The following MKLN1 variants were observed in gnomAD, a reference collection of about 807,000 sequenced individuals.
MKLN1 encodes the protein muskelin 1, also known as muskelin.
MKLN1 carries 18 observed loss-of-function variants against 99.0 expected under a neutral mutation model. The ratio of observed to expected loss-of-function variants is 0.18; its 90% CI spans 0.13 to 0.27. MKLN1 has a LOEUF of 0.27. MKLN1 is among the 10% of genes least tolerant of loss of function. The pLI, the probability that MKLN1 is intolerant of heterozygous loss-of-function variation, is 1.00. For synonymous variants in MKLN1, 288 were observed against 293.2 expected (o/e 0.98, Z 0.18); for missense variants, 621 against 875.9 (o/e 0.71, Z 3.67).
intron 1 of MKLN1, among the ~76,000 whole-genome samples, chr7:131,114,148 C>T (rs1795239342): frequency 6.6e-6 from 1 of 152,164 alleles, no homozygotes; most frequent in African/African-American, 2.4e-5. Context: ...GGACATAGAA[C>T]CAACAGAATT....
At chr7:131,238,472 A>G (rs1435134694) in intron 3 of MKLN1, among the ~76,000 whole-genome samples, 1 of 152,218 alleles carries the variant, frequency 6.6e-6, no homozygotes, top group Non-Finnish European at 1.5e-5. Flanking sequence ...TCAGAAGTCC[A>G]TTGGAGGTCA....
Position 131,437,781 on chromosome 7 carries a change from A to C in MKLN1, c.961-4A>C, listed in dbSNP as rs780882433. ...ATTTATTTATTTTCTCTCTCTCTCTACAGAATGGTCCTAGTGCCAGATCGT... is the reference window on the plus strand; with the variant it reads ...ATTTATTTATTTTCTCTCTCTCTCTCCAGAATGGTCCTAGTGCCAGATCGT... On this transcript the variant is annotated splice_polypyrimidine_tract_variant and splice_region_variant and intron_variant, in intron 9 of 17. Coordinates refer to ENST00000352689, the MANE Select transcript of MKLN1 (RefSeq NM_013255.5). 4.4e-6 allele frequency: 7 copies of C among 1,603,530 alleles called. No individual in the cohort carries two copies. The highest frequency in any genetic ancestry group is 3.3e-5 in the South Asian group (3 of 90,806).
intron 1 of MKLN1, among the ~76,000 whole-genome samples, chr7:131,339,508 G>A (rs1467510306): frequency 6.6e-6 from 1 of 152,012 alleles, no homozygotes; most frequent in Non-Finnish European, 1.5e-5. Context: ...AATTCAGCCT[G>A]GCCAACATAG....
At chr7:131,338,137 T>G (rs1799304292) in intron 1 of MKLN1, among the ~76,000 whole-genome samples, 1 of 152,220 alleles carries the variant, frequency 6.6e-6, no homozygotes, top group Admixed American at 6.5e-5. Context: ...CCATGAGAGT[T>G]TTAAAAGCTC....
intron 3 of MKLN1, among the ~76,000 whole-genome samples, chr7:131,225,971 T>C (rs1261040074): frequency 6.6e-6 from 1 of 152,108 alleles, no homozygotes; most frequent in Admixed American, 6.6e-5. Context: ...GCCCCAGCCC[T>C]TCCTACTCCC....
Position 131,148,551 on chromosome 7 carries a change from G to A in MKLN1, c.-297+5610G>A, listed in dbSNP as rs548408275. ...ACACTTTGGGAGGTCAAGGTGGGAG[G>A]ATCACTTGAGCCCAGGGGTTTGAGA... On this transcript the variant is annotated intron_variant, in intron 2 of 7. Coordinates refer to the MKLN1 transcript ENST00000416992. Among the ~76,000 whole-genome samples, 65 of 152,084 alleles carry A rather than the reference G, an allele frequency of 4.3e-4. 1 individual carries two copies. The highest frequency in any genetic ancestry group is 7.6e-4 in the Non-Finnish European group (52 of 68,004).
Position 131,386,975 on chromosome 7 carries a change from A to G in MKLN1, c.169-145A>G, listed in dbSNP as rs1794047883. 8 of 655,564 alleles carry G rather than the reference A, an allele frequency of 1.2e-5. No homozygotes were observed. In the South Asian group the frequency reaches 1.4e-4, roughly 11 times the overall value. The allele number at this position is 655,564 out of a possible 1,614,324, so 40.6% of individuals were successfully genotyped here. ...AACCTTTATAAGGCTGTTATGTACT[A>G]TTCTATAGCTTTAAAAAAATCTGCT... On this transcript the variant is annotated intron_variant, in intron 2 of 17. Transcript: ENST00000352689.
chr7:131,371,844 A>G (rs991327012), intron 1 of MKLN1, among the ~76,000 whole-genome samples: 2 of 151,414 alleles, frequency 1.3e-5, no homozygotes, highest in Non-Finnish European at 2.9e-5. Context: ...ATTTCTTCTC[A>G]TATTTACTGT....
chr7:131,235,499 C>T (rs377534869), intron 3 of MKLN1, among the ~76,000 whole-genome samples: 1 of 152,156 alleles, frequency 6.6e-6, no homozygotes, highest in Non-Finnish European at 1.5e-5. Context: ...CCTTCGTGAA[C>T]AGACTTCTGG....
intron 2 of MKLN1, among the ~76,000 whole-genome samples, chr7:131,202,425 ATTG>A (rs1453320638): frequency 2.6e-5 from 4 of 151,370 alleles, no homozygotes; most frequent in South Asian, 4.2e-4. Flanking sequence ...AAATTTTTTA[ATTG>A]TTGTTGTTGT....
At chr7:131,142,147 C>T (rs985954749) in intron 1 of MKLN1, among the ~76,000 whole-genome samples, 12 of 151,832 alleles carry the variant, frequency 7.9e-5, no homozygotes, top group African/African-American at 2.7e-4. Context: ...GTGGCTCACG[C>T]CTGTAATCCC....
At chr7:131,289,361 C>T (rs1245076317) in intron 3 of MKLN1, among the ~76,000 whole-genome samples, 1 of 152,180 alleles carries the variant, frequency 6.6e-6, no homozygotes, top group Non-Finnish European at 1.5e-5. Flanking sequence ...TGTGGTGGCT[C>T]ACGCCTGTGG....
chr7:131,198,743 C>G (rs1332109561), intron 2 of MKLN1, among the ~76,000 whole-genome samples: 1 of 151,984 alleles, frequency 6.6e-6, no homozygotes, highest in Non-Finnish European at 1.5e-5. Flanking sequence ...TTAAAAATGA[C>G]TATTATTTTC....
At chr7:131,163,310 G>A (rs1796081496) in intron 2 of MKLN1, among the ~76,000 whole-genome samples, 1 of 152,250 alleles carries the variant, frequency 6.6e-6, no homozygotes, top group East Asian at 1.9e-4. Context: ...AATTGCCTAT[G>A]AGAAAGTTTC....
intron 2 of MKLN1, among the ~76,000 whole-genome samples, chr7:131,176,930 G>A (rs1796307762): frequency 6.6e-6 from 1 of 152,178 alleles, no homozygotes; most frequent in Non-Finnish European, 1.5e-5. Context: ...CTTCATATAG[G>A]TAAATGGGCC....
chr7:131,253,414 C>T (rs1383666946), intron 3 of MKLN1, among the ~76,000 whole-genome samples: 1 of 152,178 alleles, frequency 6.6e-6, no homozygotes, highest in Non-Finnish European at 1.5e-5. Context: ...GCAAGTGCAG[C>T]CAAGAGGTGG....
At chr7:131,290,148 A>T (rs77526003) in intron 3 of MKLN1, among the ~76,000 whole-genome samples, 10,690 of 152,208 alleles carry the variant, frequency 0.07, 392 homozygotes, top group Middle Eastern at 0.14. Flanking sequence ...TCTACTAAAA[A>T]TACAAAATTA....
chr7:131,446,009 C>A, intron 12 of MKLN1, 106 bp downstream of exon 12: 1 of 706,528 alleles, frequency 1.4e-6, no homozygotes, highest in Non-Finnish European at 2.1e-6. Flanking sequence ...TTCTTTATTT[C>A]TTTAATTGAG....
chr7:131,422,739 GT>G (rs983483448), intron 8 of MKLN1, among the ~76,000 whole-genome samples: 93 of 147,848 alleles, frequency 6.3e-4, no homozygotes, highest in Non-Finnish European at 9.7e-4. Context: ...AGTCTGTAGG[GT>G]TTTTTTTTTC....
Sources: gnomAD v4.1 joint callset for allele counts (sites outside exome capture counted in the v4.1 genomes callset) on GRCh38, gnomAD v4.1.1 for gene constraint, MANE v1.5 for transcripts, NCBI Gene and HGNC (gene_info 2026-07-23, HGNC 2026-07-21) for gene names.